Variants in PDE3A observed in about 807,000 individuals in gnomAD.
PDE3A encodes cGMP-inhibited 3',5'-cyclic phosphodiesterase 3A.
PDE3A carries 43 observed loss-of-function variants against 98.3 expected under a neutral mutation model. The ratio of observed to expected loss-of-function variants is 0.44; its 90% CI spans 0.34 to 0.56. PDE3A has a LOEUF of 0.56. Ranked by LOEUF, PDE3A falls within the 20% of genes least tolerant of loss-of-function variation. The probability of loss-of-function intolerance (pLI) is 0.01; values close to 1 mark genes in which losing one functional copy is unlikely to be tolerated. For synonymous variants in PDE3A, 663 were observed against 567.9 expected (o/e 1.17, Z -2.38); for missense variants, 1,427 against 1,440.7 (o/e 0.99, Z 0.15).
chr12:20,432,290 T>A (rs1944711071), intron 1 of PDE3A, among the ~76,000 whole-genome samples: 1 of 152,194 alleles, frequency 6.6e-6, no homozygotes, highest in Non-Finnish European at 1.5e-5. Context: ...GCTGGAAGAT[T>A]TCTTAAAAGT....
chr12:20,556,812 G>C, intron 2 of PDE3A, 102 bp downstream of exon 2: 1 of 833,352 alleles, frequency 1.2e-6, no homozygotes, highest in Non-Finnish European at 2.1e-6. Context: ...GCGAGGAAGA[G>C]GCAAAATAAC....
At chr12:20,426,262 G>A (rs900507627) in intron 1 of PDE3A, among the ~76,000 whole-genome samples, 3 of 152,054 alleles carry the variant, frequency 2.0e-5, no homozygotes, top group African/African-American at 2.4e-5. Flanking sequence ...TGCTGGCTCC[G>A]AATGAGAACT....
intron 1 of PDE3A, among the ~76,000 whole-genome samples, chr12:20,411,740 C>A (rs1426332527): frequency 6.6e-6 from 1 of 152,032 alleles, no homozygotes; most frequent in Admixed American, 6.6e-5. Context: ...GTGGTTAGTG[C>A]AATGTAGAGG....
chr12:20,606,571 C>T (rs1299817547), intron 2 of PDE3A, among the ~76,000 whole-genome samples: 4 of 151,886 alleles, frequency 2.6e-5, no homozygotes, highest in Admixed American at 2.6e-4. Flanking sequence ...AAAATTAAAA[C>T]AAATTGGCCG....
chr12:20,380,252 T>C (rs892895252), intron 1 of PDE3A, among the ~76,000 whole-genome samples: 17 of 151,918 alleles, frequency 1.1e-4, no homozygotes, highest in Non-Finnish European at 2.1e-4. Context: ...TTGAGATGGT[T>C]GCTTCCAGAG....
In PDE3A at chr12:20,370,133, C is replaced by T. The variant is rs1285448477; in HGVS notation, c.849C>T (p.Ile283=). The part of the protein sequence containing the change: ...SQLIAGTKED[I]PVFKRRRRSS... ...TGATTGCTGGGACCAAGGAAGATATCCCGGTGTTTAAGAGGAGGAGGCGGT... is the reference window on the plus strand; with the variant it reads ...TGATTGCTGGGACCAAGGAAGATATTCCGGTGTTTAAGAGGAGGAGGCGGT... Residue 283 remains isoleucine, a synonymous_variant, in exon 1 of 16, where the codon ATC becomes ATT. Coordinates refer to ENST00000359062, the MANE Select transcript of PDE3A (RefSeq NM_000921.5). 6 of 1,613,282 alleles carry T rather than the reference C, an allele frequency of 3.7e-6. No individual in the cohort carries two copies. Among genetic ancestry groups the T allele is most frequent in the Non-Finnish European group, 5.1e-6 (6 of 1,179,942 alleles).
At chr12:20,549,642 T>C (rs1315949064) in intron 1 of PDE3A, among the ~76,000 whole-genome samples, 3 of 152,068 alleles carry the variant, frequency 2.0e-5, no homozygotes, top group Non-Finnish European at 4.4e-5. Flanking sequence ...TTCTGTAACA[T>C]TTTTTATTAC....
At chr12:20,462,006 G>A (rs1392891067) in intron 1 of PDE3A, among the ~76,000 whole-genome samples, 1 of 152,178 alleles carries the variant, frequency 6.6e-6, no homozygotes, top group African/African-American at 2.4e-5. Flanking sequence ...CTTTCCTGCT[G>A]CATGTCTCAC....
intron 1 of PDE3A, among the ~76,000 whole-genome samples, chr12:20,496,195 G>A (rs1441338425): frequency 1.3e-5 from 2 of 152,196 alleles, no homozygotes; most frequent in African/African-American, 4.8e-5. Context: ...GAAAGAGATA[G>A]ATGAGTGCCT....
chr12:20,369,826 G>C lies in PDE3A; in HGVS notation c.542G>C (p.Gly181Ala), dbSNP rs1212076031. The C allele has an allele frequency of 1.2e-6, 2 of 1,611,916 alleles. No homozygotes were observed. The highest frequency in any genetic ancestry group is 1.7e-6 in the Non-Finnish European group (2 of 1,179,470). The change falls in exon 1 of 16, where the codon GGG (glycine) becomes GCG (alanine). Residue 181 changes from glycine to alanine, a missense_variant. Transcript: ENST00000359062. Reference protein sequence around the residue: ...EALVQIGLGVGEDHLLSLPAA... With the variant: ...EALVQIGLGVAEDHLLSLPAA... ...CTCGTCCAGATTGGGCTGGGCGTCGGGGAGGATCACTTACTCTCACTCCCC... is the reference window on the plus strand; with the variant it reads ...CTCGTCCAGATTGGGCTGGGCGTCGCGGAGGATCACTTACTCTCACTCCCC...
chr12:20,666,079 T>C (rs934922223), intron 15 of PDE3A, among the ~76,000 whole-genome samples: 8 of 150,688 alleles, frequency 5.3e-5, no homozygotes, highest in Non-Finnish European at 7.4e-5. Flanking sequence ...GTGATTCTCC[T>C]GCCTCAGCCC....
chr12:20,531,088 C>A (rs1423565270), intron 1 of PDE3A, among the ~76,000 whole-genome samples: 1 of 152,102 alleles, frequency 6.6e-6, no homozygotes, highest in African/African-American at 2.4e-5. Context: ...AGTTATGACA[C>A]CTACACAGCT....
chr12:20,601,345 G>GAAGCATTTCCCT (rs769580923), intron 2 of PDE3A, among the ~76,000 whole-genome samples: 59 of 152,226 alleles, frequency 3.9e-4, no homozygotes, highest in Non-Finnish European at 6.6e-4. Flanking sequence ...ATGTTTGTAT[G>GAAGCATTTCCCT]GTCCTGAAGC....
intron 15 of PDE3A, among the ~76,000 whole-genome samples, chr12:20,674,197 T>A (rs1945572525): frequency 6.6e-6 from 1 of 152,202 alleles, no homozygotes; most frequent in Non-Finnish European, 1.5e-5. Flanking sequence ...AATTTATTTA[T>A]CAGATCTAAG....
chr12:20,544,496 A>G (rs1366125920), intron 1 of PDE3A, among the ~76,000 whole-genome samples: 3 of 152,014 alleles, frequency 2.0e-5, no homozygotes, highest in East Asian at 3.9e-4. Context: ...AAATAAACCC[A>G]TCATATTAAC....
At chr12:20,548,144 G>T (rs1942102925) in intron 1 of PDE3A, among the ~76,000 whole-genome samples, 1 of 152,090 alleles carries the variant, frequency 6.6e-6, no homozygotes, top group African/African-American at 2.4e-5. Context: ...TTCTATAACA[G>T]ATTGTGTTTC....
At position 20,506,360 on chromosome 12, in the gene PDE3A, G is replaced by A. The variant is rs558954011; in HGVS notation, c.961-50300G>A. On this transcript the variant is annotated intron_variant, in intron 1 of 15. Coordinates refer to ENST00000359062, the MANE Select transcript of PDE3A (RefSeq NM_000921.5). ...ACTATACACACAGTATTTCATTCCA[G>A]TATAACAGTCTGTATAATTTTGAAA... 5.3e-5 allele frequency among the ~76,000 whole-genome samples: 8 copies of A among 151,990 alleles called. No homozygotes were observed. The East Asian group carries it at 1.4e-3, about 26-fold the overall frequency.
intron 1 of PDE3A, among the ~76,000 whole-genome samples, chr12:20,386,176 T>TATATAACA (rs1943792000): frequency 1.3e-5 from 1 of 74,780 alleles, no homozygotes; most frequent in Non-Finnish European, 2.6e-5. Flanking sequence ...TATATAAAAA[T>TATATAACA]ATATATAAAT....
At chr12:20,635,150 G>A (rs376229267) in intron 8 of PDE3A, 94 bp downstream of exon 8, 1 of 1,173,646 alleles carries the variant, frequency 8.5e-7, no homozygotes, top group South Asian at 1.4e-5. Context: ...GCCAGGCAAG[G>A]TGGCTCACAC....
Sources: gnomAD v4.1 joint callset for allele counts (sites outside exome capture counted in the v4.1 genomes callset) on GRCh38, gnomAD v4.1.1 for gene constraint, MANE v1.5 for transcripts, NCBI Gene and HGNC (gene_info 2026-07-23, HGNC 2026-07-21) for gene names.